Variants in E2F7 observed in about 807,000 individuals in gnomAD.
E2F7 encodes E2F transcription factor 7, also known as transcription factor E2F7.
A neutral mutation model predicts 81.1 loss-of-function variants in E2F7; 35 were observed. The ratio of observed to expected loss-of-function variants is 0.43; its 90% CI spans 0.33 to 0.57. The LOEUF (loss-of-function observed/expected upper bound fraction) is 0.57, where lower values mean the gene tolerates loss of function less well. Among genes scored for constraint, E2F7 ranks in the 20% least tolerant of loss-of-function variants. The pLI, the probability that E2F7 is intolerant of heterozygous loss-of-function variation, is 0.04. For missense variants in E2F7, 961 were observed against 1,093.7 expected (o/e 0.88, Z 1.71); for synonymous variants, 416 against 416.2 (o/e 1.00, Z 0.01).
In E2F7 at chr12:77,030,017, C is replaced by G; in HGVS notation, c.1698G>C (p.Ala566=). Residue 566 remains alanine (A), a synonymous_variant, in exon 10 of 13, where the codon GCG becomes GCC. Transcript: ENST00000322886. ...CATCCCTCTCTGACCCTGACCCTGA[C>G]GCTGGTCCCTCCTGCAGACTTCCAT... The part of the protein sequence containing the change: ...MLYGSLQEGP[A]SGSGSERDDR... 6.2e-7 allele frequency: 1 copy of G among 1,614,168 alleles called. No individual in the cohort carries two copies. Among genetic ancestry groups the G allele is most frequent in the Non-Finnish European group, 8.5e-7 (1 of 1,180,022 alleles).
rs1388644024 is a variant in E2F7 at position 77,023,916 on chromosome 12, G to A, written c.*99C>T. On this transcript the variant is annotated 3_prime_UTR_variant, in exon 13 of 13. Coordinates refer to ENST00000322886, the MANE Select transcript of E2F7 (RefSeq NM_203394.3). Reference sequence around the variant, plus strand: ...AACAGAAGTGTGGATGAAAGAGAGAGGAAGGACCCGTGCTCAGGACGGGAT... The same window carrying A: ...AACAGAAGTGTGGATGAAAGAGAGAAGAAGGACCCGTGCTCAGGACGGGAT... The A allele has an allele frequency of 3.4e-5, 47 of 1,398,938 alleles. No individual in the cohort carries two copies. The highest frequency in any genetic ancestry group is 4.6e-5 in the Non-Finnish European group (47 of 1,029,210). 86.7% of individuals were successfully genotyped at this position (1,398,938 alleles called of 1,614,324 possible). A position where few individuals can be genotyped will look rare whatever the true frequency, so the allele number is the denominator to read the frequency against.
In E2F7 at chr12:77,058,258, T is replaced by C. The variant is rs147554260; in HGVS notation, c.94-2128A>G. 2.7e-3 allele frequency among the ~76,000 whole-genome samples: 409 copies of C among 152,286 alleles called. 1 individual carries two copies. The highest frequency in any genetic ancestry group is 0.014 in the South Asian group (67 of 4,820). ...TGTGCCACGCTCTGTTTCATGTATT[T>C]TGCATGTATTGACTCCTCATCCAAT... On this transcript the variant is annotated intron_variant, in intron 2 of 12. Coordinates refer to ENST00000322886, the MANE Select transcript of E2F7 (RefSeq NM_203394.3).
rs966408148 is a variant in E2F7, at chr12:77,023,949, A to C, written c.*66T>G. The stretch of plus-strand genomic sequence containing the variant: ...CCGTGCTCAGGACGGGATGGTTTGC[A>C]TCCCGCCTCGGACATCCGGGACTCT... On this transcript the variant is annotated 3_prime_UTR_variant, in exon 13 of 13. Transcript: ENST00000322886. The C allele has an allele frequency of 5.7e-6, 9 of 1,568,554 alleles. No homozygotes were observed. In the Admixed American group the frequency reaches 1.7e-4, roughly 29 times the overall value.
At chr12:77,059,954 C>G (rs1955064837) in intron 2 of E2F7, among the ~76,000 whole-genome samples, 1 of 107,968 alleles carries the variant, frequency 9.3e-6, no homozygotes, top group African/African-American at 3.6e-5. Context: ...CAGCGAGATT[C>G]TGTCTCAAAA....
At chr12:77,059,734 G>A (rs777581731) in intron 2 of E2F7, among the ~76,000 whole-genome samples, 7 of 152,174 alleles carry the variant, frequency 4.6e-5, no homozygotes, top group South Asian at 4.2e-4. Flanking sequence ...CAAGGCAGGC[G>A]GATCACGAGG....
rs1157619377 is a variant in E2F7 at position 77,025,545 on chromosome 12, C to G, written c.2565+13G>C. The G allele has an allele frequency of 6.2e-7, 1 of 1,612,950 alleles. No homozygotes were observed. The highest frequency in any genetic ancestry group is 1.7e-5 in the Admixed American group (1 of 60,002). Reference sequence around the variant, plus strand: ...CCAGAGTGACAGTGTCTTCAGGAAACTTCAGGCCTCACCTGATGTAATTTT... The same window carrying G: ...CCAGAGTGACAGTGTCTTCAGGAAAGTTCAGGCCTCACCTGATGTAATTTT... On this transcript the variant is annotated intron_variant, in intron 12 of 12. Transcript: ENST00000322886.
intron 9 of E2F7, among the ~76,000 whole-genome samples, chr12:77,031,116 C>T (rs1370057565): frequency 1.3e-5 from 2 of 152,100 alleles, no homozygotes; most frequent in African/African-American, 4.8e-5. Flanking sequence ...CTCATGCCTC[C>T]TGTGGGGGGC....
chr12:77,045,919 A>T, intron 5 of E2F7, 119 bp downstream of exon 5: 1 of 1,284,140 alleles, frequency 7.8e-7, no homozygotes, highest in African/African-American at 1.5e-5. Context: ...GAGGAGAATA[A>T]GAGAACATCT....
chr12:77,033,025 C>T (rs1954818645), intron 9 of E2F7, 25 bp downstream of exon 9: 1 of 1,602,872 alleles, frequency 6.2e-7, no homozygotes, highest in Non-Finnish European at 8.5e-7. Flanking sequence ...AAAGAATACA[C>T]TCTGAGCTTT....
At chr12:77,035,520 A>C (rs995219467) in intron 7 of E2F7, among the ~76,000 whole-genome samples, 4 of 152,218 alleles carry the variant, frequency 2.6e-5, no homozygotes, top group African/African-American at 7.2e-5. Context: ...GTAATGGGGA[A>C]AACGTACTAA....
chr12:77,051,033 C>T (rs888936763), intron 3 of E2F7, among the ~76,000 whole-genome samples: 7 of 152,044 alleles, frequency 4.6e-5, no homozygotes, highest in African/African-American at 9.7e-5. Context: ...CTAGTGCGCT[C>T]GCTAGGCCTG....
At position 77,036,766 on chromosome 12, in the gene E2F7, G is replaced by C. The variant is rs574913193; in HGVS notation, c.1124-2724C>G. On this transcript the variant is annotated intron_variant, in intron 7 of 12. Transcript: ENST00000322886. ...TCCATTTTTTTTTTTTTTTGAGACA[G>C]AGTCTCGCTCTGTCGCCCAGGCTGG... Among the ~76,000 whole-genome samples the C allele has an allele frequency of 8.0e-4, 119 of 148,638 alleles. 4 individuals carry two copies. The South Asian group carries it at 0.025, about 31-fold the overall frequency.
At chr12:77,041,599 T>C (rs1954895648) in intron 7 of E2F7, among the ~76,000 whole-genome samples, 1 of 152,168 alleles carries the variant, frequency 6.6e-6, no homozygotes, top group Non-Finnish European at 1.5e-5. Context: ...TAGTCCAAAT[T>C]TCTTGCCTCA....
rs374447658 is a variant in E2F7, at chr12:77,044,584, A to G, written c.988+53T>C. 118 of 1,584,996 alleles carry G rather than the reference A, an allele frequency of 7.4e-5. No homozygotes were observed. The East Asian group carries it at 2.6e-3, about 34-fold the overall frequency. ...TCTTGGAAGCAGAAAATATCAACAC[A>G]TGAAATCCCACCCTTTATGTGCTAG... On this transcript the variant is annotated intron_variant, in intron 6 of 12. Coordinates refer to ENST00000322886, the MANE Select transcript of E2F7 (RefSeq NM_203394.3).
In E2F7 at chr12:77,028,076, G is replaced by A. The variant is rs766317829; in HGVS notation, c.1947C>T (p.Pro649=). The A allele has an allele frequency of 1.1e-5, 17 of 1,614,054 alleles. No homozygotes were observed. The East Asian group carries it at 3.6e-4, about 34-fold the overall frequency. Residue 649 remains proline (P), a synonymous_variant, in exon 11 of 13, where the codon CCC becomes CCT. Coordinates refer to ENST00000322886, the MANE Select transcript of E2F7 (RefSeq NM_203394.3). The part of the protein sequence containing the change: ...PKTMGNRASI[P]LKDIHVNGQL... Reference sequence around the variant, plus strand: ...GGCCATTCACATGAATGTCTTTGAGGGGTATAGATGCCCTGTTACCCATAG... The same window carrying A: ...GGCCATTCACATGAATGTCTTTGAGAGGTATAGATGCCCTGTTACCCATAG...
intron 7 of E2F7, among the ~76,000 whole-genome samples, chr12:77,039,969 C>G (rs924093877): frequency 6.6e-6 from 1 of 152,022 alleles, no homozygotes; most frequent in African/African-American, 2.4e-5. Flanking sequence ...GTGAAAGGAG[C>G]CGGACCAAAA....
chr12:77,038,189 A>G (rs1383212646), intron 7 of E2F7, among the ~76,000 whole-genome samples: 1 of 152,174 alleles, frequency 6.6e-6, no homozygotes, highest in East Asian at 1.9e-4. Context: ...GAAACAGACA[A>G]ATCTGCAACT....
At chr12:77,034,222 T>G (rs1954830517) in intron 7 of E2F7, among the ~76,000 whole-genome samples, 180 bp from the exon 8 acceptor site, 1 of 150,638 alleles carries the variant, frequency 6.6e-6, no homozygotes, top group Non-Finnish European at 1.5e-5. Flanking sequence ...TCTTTCAATG[T>G]ACTTTTTTTT....
chr12:77,032,296 C>T (rs749408903), intron 9 of E2F7, among the ~76,000 whole-genome samples: 35 of 152,216 alleles, frequency 2.3e-4, no homozygotes, highest in Admixed American at 1.4e-3. Flanking sequence ...GCCTCCAACA[C>T]CTAACCTCTT....
Sources: gnomAD v4.1 joint callset for allele counts (sites outside exome capture counted in the v4.1 genomes callset) on GRCh38, gnomAD v4.1.1 for gene constraint, MANE v1.5 for transcripts, NCBI Gene and HGNC (gene_info 2026-07-23, HGNC 2026-07-21) for gene names.